The following RUFY3 variants were observed in gnomAD, a reference collection of about 807,000 sequenced individuals.
RUFY3 encodes RUN and FYVE domain containing 3, also known as protein RUFY3.
RUFY3 carries 34 observed loss-of-function variants against 84.0 expected under a neutral mutation model. The ratio of observed to expected loss-of-function variants is 0.40; its 90% confidence interval spans 0.31 to 0.54. The LOEUF (loss-of-function observed/expected upper bound fraction) is 0.54, where lower values mean the gene tolerates loss of function less well. Among genes scored for constraint, RUFY3 ranks in the 20% least tolerant of loss-of-function variants. RUFY3 has a pLI of 0.39. For synonymous variants in RUFY3, 242 were observed against 252.9 expected, an observed-to-expected ratio of 0.96 and a Z score of 0.41; for missense variants, 507 against 736.8, an observed-to-expected ratio of 0.69 and a Z score of 3.61.
intron 6 of RUFY3, among the ~76,000 whole-genome samples, chr4:70,774,346 T>G (rs898738684): frequency 9.2e-5 from 14 of 151,500 alleles, no homozygotes; most frequent in African/African-American, 3.4e-4. Context: ...TGGTGGCTCA[T>G]GCTTGTAATC....
rs774138958 is a variant in RUFY3 at position 70,763,713 on chromosome 4, A to T, written c.470+44A>T. ...TCCATTTCTCAGGAACAGCATTCTT[A>T]TTAACTATCCCTTGAAGAGCAAGAC... On this transcript the variant is annotated intron_variant, in intron 3 of 17. Coordinates refer to ENST00000381006, the MANE Select transcript of RUFY3 (RefSeq NM_001037442.4). The T allele has an allele frequency of 1.3e-5, 20 of 1,592,112 alleles. No individual in the cohort carries two copies. In the South Asian group the frequency reaches 2.3e-4, roughly 18 times the overall value.
chr4:70,717,461 A>G (rs112626890), upstream of RUFY3, among the ~76,000 whole-genome samples: 2 of 152,172 alleles, frequency 1.3e-5, no homozygotes, highest in South Asian at 2.1e-4. Flanking sequence ...TGGGGGGCCT[A>G]GAGGAAGGTA....
intron 1 of RUFY3, among the ~76,000 whole-genome samples, chr4:70,728,394 G>A (rs1013675293): frequency 9.9e-5 from 15 of 152,076 alleles, no homozygotes; most frequent in African/African-American, 3.4e-4. Flanking sequence ...TTGCTAGCTC[G>A]GGAAAAAATC....
At chr4:70,795,393 G>A (rs531020369) in intron 14 of RUFY3, among the ~76,000 whole-genome samples, 9 of 152,182 alleles carry the variant, frequency 5.9e-5, no homozygotes, top group African/African-American at 1.9e-4. Flanking sequence ...TTGAGGAAAG[G>A]AAGGTAATAC....
intron 1 of RUFY3, among the ~76,000 whole-genome samples, chr4:70,715,428 A>G (rs1023683499): frequency 1.3e-5 from 2 of 151,760 alleles, no homozygotes; most frequent in African/African-American, 4.8e-5. Flanking sequence ...TACTAAAAAA[A>G]CAAAAGTTAG....
In RUFY3 at chr4:70,807,259, T is replaced by C. The variant is rs1732937668; in HGVS notation, c.*600T>C. ...AAAACAATATTGTAATATGTTATAA[T>C]TTCAGGACCAGAATTTTCTGGTCTT... is the stretch of plus-strand genomic sequence containing the variant. On this transcript the variant is annotated 3_prime_UTR_variant, in exon 18 of 18. Coordinates refer to ENST00000381006, the MANE Select transcript of RUFY3 (RefSeq NM_001037442.4). 1 of 152,210 alleles carries C rather than the reference T, an allele frequency of 6.6e-6. No homozygotes were observed. The allele number at this position is 152,210 out of a possible 1,614,324, so 9.4% of individuals were successfully genotyped here.
Position 70,793,837 on chromosome 4 carries a change from TTC to T in RUFY3, c.1391_1392del (p.Phe464Ter). The T allele has an allele frequency of 6.2e-7, 1 of 1,614,182 alleles. No homozygotes were observed. Among genetic ancestry groups the T allele is most frequent in the Non-Finnish European group, 8.5e-7 (1 of 1,180,038 alleles). ...ATCTGCTGAGTTGGACAACCGGCTC[TTC>T]AAACAGGACTTTGGAGACAAGATCA... The part of the protein sequence containing the change: ...RQSAELDNRL[F>X]KQDFGDKINS... On this transcript the variant is annotated frameshift_variant, in exon 13 of 18. Coordinates refer to ENST00000381006, the MANE Select transcript of RUFY3 (RefSeq NM_001037442.4). LOFTEE classifies it high-confidence loss of function.
chr4:70,759,167 CTT>C (rs1338509449), intron 1 of RUFY3, among the ~76,000 whole-genome samples: 7 of 152,216 alleles, frequency 4.6e-5, no homozygotes, highest in African/African-American at 1.4e-4. Flanking sequence ...CCTCCATACT[CTT>C]TTCATTTTCT....
intron 1 of RUFY3, among the ~76,000 whole-genome samples, chr4:70,713,119 G>A (rs933299644): frequency 6.6e-6 from 1 of 152,204 alleles, no homozygotes; most frequent in South Asian, 2.1e-4. Context: ...TGCTTCCCGG[G>A]TTTAGCTGAT....
At position 70,764,583 on chromosome 4, in the gene RUFY3, A is replaced by G. The variant is rs1725528922; in HGVS notation, c.572+7A>G. 2.6e-6 allele frequency: 4 copies of G among 1,522,702 alleles called. No homozygotes were observed. Among genetic ancestry groups the G allele is most frequent in the Non-Finnish European group, 3.6e-6 (4 of 1,100,170 alleles). 94.3% of individuals were successfully genotyped at this position (1,522,702 alleles called of 1,614,324 possible). ...ATAAGAAAGAACTTCTCAGGTATGA[A>G]CACCTTCTTGAACTTTCTTCTTTCC... On this transcript the variant is annotated splice_region_variant and intron_variant, in intron 4 of 17. Coordinates refer to ENST00000381006, the MANE Select transcript of RUFY3 (RefSeq NM_001037442.4).
intron 5 of RUFY3, among the ~76,000 whole-genome samples, chr4:70,772,442 AT>A (rs1195135257): frequency 6.6e-6 from 1 of 152,148 alleles, no homozygotes; most frequent in African/African-American, 2.4e-5. Flanking sequence ...AGCTGAATAT[AT>A]TTTATAATTA....
chr4:70,713,363 T>G (rs1741209967), intron 1 of RUFY3, among the ~76,000 whole-genome samples: 1 of 152,178 alleles, frequency 6.6e-6, no homozygotes, highest in Non-Finnish European at 1.5e-5. Flanking sequence ...CAGTGGTACT[T>G]GAGAAGGTAA....
chr4:70,713,265 C>T (rs905542534), intron 1 of RUFY3, among the ~76,000 whole-genome samples: 2 of 152,162 alleles, frequency 1.3e-5, no homozygotes, highest in Non-Finnish European at 2.9e-5. Context: ...TCAAGGGATC[C>T]GCCCGCCCCA....
intron 15 of RUFY3, among the ~76,000 whole-genome samples, chr4:70,800,681 C>T (rs981615013): frequency 6.6e-6 from 1 of 151,818 alleles, no homozygotes; most frequent in Non-Finnish European, 1.5e-5. Context: ...ATTAGAAGTT[C>T]GAGACCAGCC....
At chr4:70,772,277 G>A (rs1209448105) in intron 5 of RUFY3, among the ~76,000 whole-genome samples, 1 of 152,056 alleles carries the variant, frequency 6.6e-6, no homozygotes, top group Non-Finnish European at 1.5e-5. Context: ...CACTCACAAT[G>A]CTCAAGCCCT....
chr4:70,783,080 T>G lies in RUFY3; in HGVS notation c.895-11T>G. ...AAAGATAAAAGATTATTTTTAAAAT[T>G]TTATCCACAGCTTGCAGTTGCAAAC... On this transcript the variant is annotated splice_polypyrimidine_tract_variant and intron_variant, in intron 8 of 17. Transcript: ENST00000381006. 1 of 1,548,484 alleles carries G rather than the reference T, an allele frequency of 6.5e-7. No individual in the cohort carries two copies. The highest frequency in any genetic ancestry group is 8.8e-7 in the Non-Finnish European group (1 of 1,134,854).
intron 12 of RUFY3, chr4:70,791,464 G>A (rs1730808071): frequency 2.9e-6 from 4 of 1,362,232 alleles, no homozygotes; most frequent in Non-Finnish European, 3.8e-6. Context: ...TATAGGTTGG[G>A]TTTTTTTCTT....
intron 1 of RUFY3, among the ~76,000 whole-genome samples, chr4:70,753,792 G>A: frequency 6.6e-6 from 1 of 152,138 alleles, no homozygotes; most frequent in Non-Finnish European, 1.5e-5. Flanking sequence ...GCTGCTATAT[G>A]TCATTATGAC....
intron 12 of RUFY3, 104 bp downstream of exon 12, chr4:70,789,696 A>C (rs1236661353): frequency 5.6e-6 from 8 of 1,419,320 alleles, no homozygotes; most frequent in African/African-American, 1.5e-5. Context: ...AATTCTTCCA[A>C]ATTAGCATCA....
Sources: gnomAD v4.1 joint callset for allele counts (sites outside exome capture counted in the v4.1 genomes callset) on GRCh38, gnomAD v4.1.1 for gene constraint, MANE v1.5 for transcripts, NCBI Gene and HGNC (gene_info 2026-07-23, HGNC 2026-07-21) for gene names.